FGGY: variants seen among roughly 807,000 people sequenced by gnomAD.
The protein encoded by FGGY is FGGY carbohydrate kinase domain-containing protein.
In FGGY, 72 loss-of-function variants were observed where a neutral mutation model predicts 71.3. The ratio of observed to expected loss-of-function variants is 1.01; its 90% CI spans 0.84 to 1.23. FGGY has a LOEUF of 1.23. Ranked by LOEUF, FGGY falls within the 50% of genes most tolerant of loss-of-function variation. FGGY has a pLI of 0.00. For missense variants in FGGY, 668 were observed against 682.3 expected (o/e 0.98, Z 0.23); for synonymous variants, 251 against 250.3 (o/e 1.00, Z -0.02).
At chr1:59,397,219 G>A (rs1224453122) in intron 5 of FGGY, among the ~76,000 whole-genome samples, 3 of 152,110 alleles carry the variant, frequency 2.0e-5, no homozygotes, top group South Asian at 2.1e-4. Flanking sequence ...ACAAATTATT[G>A]CATTTCTGTG....
At chr1:59,614,200 G>T (rs1039546519) in intron 9 of FGGY, among the ~76,000 whole-genome samples, 1 of 152,124 alleles carries the variant, frequency 6.6e-6, no homozygotes, top group Non-Finnish European at 1.5e-5. Context: ...AACTAAAAAA[G>T]AGAATTTTAG....
chr1:59,341,937 G>A (rs2050785611), intron 3 of FGGY, among the ~76,000 whole-genome samples: 1 of 152,166 alleles, frequency 6.6e-6, no homozygotes, highest in South Asian at 2.1e-4. Context: ...CGTCCCAGAA[G>A]TTAAAAGCCT....
intron 6 of FGGY, among the ~76,000 whole-genome samples, chr1:59,474,784 C>A (rs1460635222): frequency 1.3e-5 from 2 of 152,122 alleles, no homozygotes; most frequent in Non-Finnish European, 2.9e-5. Flanking sequence ...TTCACAGTTG[C>A]CTATGGTAAT....
intron 11 of FGGY, among the ~76,000 whole-genome samples, chr1:59,650,708 G>C (rs1489353933): frequency 8.6e-5 from 11 of 127,806 alleles, no homozygotes; most frequent in Non-Finnish European, 1.4e-4. Flanking sequence ...CCAGCTCCTG[G>C]ATTCACTGAT....
chr1:59,488,055 G>A (rs72664602), intron 6 of FGGY, among the ~76,000 whole-genome samples: 7,654 of 152,072 alleles, frequency 0.05, 236 homozygotes, highest in East Asian at 0.13. Flanking sequence ...AAACCATGCC[G>A]TATATGCCAG....
intron 10 of FGGY, chr1:59,626,312 AT>A: frequency 2.7e-6 from 1 of 364,086 alleles, no homozygotes; most frequent in Non-Finnish European, 4.9e-6. Flanking sequence ...AGGACCATGG[AT>A]TCTGGAGTCA....
At chr1:59,596,882 G>A (rs963273552) in intron 8 of FGGY, among the ~76,000 whole-genome samples, 7 of 152,176 alleles carry the variant, frequency 4.6e-5, no homozygotes, top group Non-Finnish European at 1.0e-4. Flanking sequence ...GTTCTCTTCT[G>A]CTGACTTCCT....
rs115992439 is a variant in FGGY, at chr1:59,719,812, T to C, written c.1513-38119T>C. ...CCTTGCAAGTTGGCAGAAATTATAA[T>C]TGTCATTTTAGAGATGAAAAAACTG... On this transcript the variant is annotated intron_variant, in intron 14 of 15. Transcript: ENST00000303721. 3.3e-3 allele frequency among the ~76,000 whole-genome samples: 497 copies of C among 152,338 alleles called. 4 individuals carry two copies. The highest frequency in any genetic ancestry group is 0.011 in the African/African-American group (451 of 41,570).
intron 5 of FGGY, 129 bp downstream of exon 5, chr1:59,378,966 A>G (rs1216187913): frequency 1.4e-6 from 1 of 696,530 alleles, no homozygotes; most frequent in African/African-American, 1.8e-5. Flanking sequence ...TGCATACATG[A>G]AACATCTTGA....
chr1:59,315,779 C>CT (rs2045337362), intron 1 of FGGY: 1 of 152,210 alleles, frequency 6.6e-6, no homozygotes, highest in Non-Finnish European at 1.5e-5. Flanking sequence ...GCTACAGACT[C>CT]TAAAAGTTTG....
At chr1:59,541,770 A>G (rs2153687871) in intron 7 of FGGY, among the ~76,000 whole-genome samples, 1 of 152,332 alleles carries the variant, frequency 6.6e-6, no homozygotes, top group South Asian at 2.1e-4. Context: ...GATACAGATA[A>G]CACCATTTCA....
At chr1:59,358,463 G>A (rs115459789) in intron 4 of FGGY, among the ~76,000 whole-genome samples, 93 of 152,140 alleles carry the variant, frequency 6.1e-4, no homozygotes, top group African/African-American at 2.2e-3. Context: ...TACCAAGAGC[G>A]AGAGGCTGTG....
intron 7 of FGGY, among the ~76,000 whole-genome samples, chr1:59,546,529 G>GATTATTATTATTATT (rs1491122158): frequency 4.4e-5 from 4 of 91,682 alleles, no homozygotes; most frequent in African/African-American, 2.0e-4. Flanking sequence ...TGATGATGAT[G>GATTATTATTATTATT]ATGATGATTA....
At chr1:59,382,477 C>T (rs1339704249) in intron 5 of FGGY, among the ~76,000 whole-genome samples, 1 of 152,102 alleles carries the variant, frequency 6.6e-6, no homozygotes, top group Non-Finnish European at 1.5e-5. Flanking sequence ...GGCAGGAGGT[C>T]CCTGGAGGAG....
At chr1:59,593,311 T>C (rs2096480004) in intron 8 of FGGY, among the ~76,000 whole-genome samples, 2 of 152,250 alleles carry the variant, frequency 1.3e-5, no homozygotes, top group South Asian at 2.1e-4. Context: ...ATGGGGATCA[T>C]CTTCCCATCG....
chr1:59,417,065 C>T (rs72664558), intron 5 of FGGY, among the ~76,000 whole-genome samples: 10,277 of 152,196 alleles, frequency 0.068, 441 homozygotes, highest in Middle Eastern at 0.14. Flanking sequence ...TATCCGATTC[C>T]AAAACATTTT....
chr1:59,431,733 T>C (rs2067407448), intron 5 of FGGY, among the ~76,000 whole-genome samples: 2 of 152,344 alleles, frequency 1.3e-5, no homozygotes, highest in South Asian at 2.1e-4. Context: ...CTGTGACTAA[T>C]AAGAAATATA....
At chr1:59,358,068 G>A (rs2054681363) in intron 4 of FGGY, among the ~76,000 whole-genome samples, 1 of 152,212 alleles carries the variant, frequency 6.6e-6, no homozygotes, top group Non-Finnish European at 1.5e-5. Flanking sequence ...AAACAACACT[G>A]AAAAGGACAA....
At chr1:59,514,700 G>A (rs984575913) in intron 7 of FGGY, among the ~76,000 whole-genome samples, 5 of 152,228 alleles carry the variant, frequency 3.3e-5, no homozygotes, top group East Asian at 1.9e-4. Flanking sequence ...TAAGTCTCAC[G>A]AGATCCGATA....
Sources: allele counts gnomAD v4.1 joint callset (sites outside exome capture counted in the v4.1 genomes callset), GRCh38; gene constraint gnomAD v4.1.1; transcripts MANE v1.5; gene names NCBI Gene and HGNC (gene_info 2026-07-23, HGNC 2026-07-21).